Variants in ALG12 observed in about 807,000 individuals in gnomAD.
ALG12 encodes the protein dol-P-Man:Man(7)GlcNAc(2)-PP-Dol alpha-1,6-mannosyltransferase.
In ALG12, 36 loss-of-function variants were observed where a neutral mutation model predicts 46.0. The ratio of observed to expected loss-of-function variants is 0.78; its 90% CI spans 0.60 to 1.03. The LOEUF (loss-of-function observed/expected upper bound fraction) is 1.03, where lower values mean the gene tolerates loss of function less well. ALG12 is among the 50% of genes least tolerant of loss of function. The probability of loss-of-function intolerance (pLI) is 0.00; values close to 1 mark genes in which losing one functional copy is unlikely to be tolerated. For missense variants in ALG12, 599 were observed against 633.5 expected, an observed-to-expected ratio of 0.95 and a Z score of 0.58; for synonymous variants, 326 against 291.6, an observed-to-expected ratio of 1.12 and a Z score of -1.20.
the ALG12 span, among the ~76,000 whole-genome samples, chr22:49,895,011 G>A: frequency 6.6e-6 from 1 of 152,330 alleles, no homozygotes; most frequent in South Asian, 2.1e-4. Context: ...GGAGGAGGAG[G>A]GGCAGGAGCA....
At chr22:49,885,425 G>A in the ALG12 span, 11 of 1,608,490 alleles carry the variant, frequency 6.8e-6, no homozygotes, top group East Asian at 2.2e-5. Flanking sequence ...ACCATCAGCC[G>A]GGGGAAGAAG....
At chr22:49,868,317 A>AT in the ALG12 span, among the ~76,000 whole-genome samples, 1 of 152,246 alleles carries the variant, frequency 6.6e-6, no homozygotes, top group South Asian at 2.1e-4. Context: ...AATGAATAAA[A>AT]TAACTACACT....
rs1482893806 is a variant in ALG12 at position 49,905,975 on chromosome 22, A to T, written c.993-1469T>A. Among the ~76,000 whole-genome samples the T allele has an allele frequency of 6.6e-6, 1 of 152,112 alleles. No homozygotes were observed. The highest frequency in any genetic ancestry group is 1.5e-5 in the Non-Finnish European group (1 of 68,010). ...CAATCAGAAACCTTCCACCCCCAGG[A>T]CTGTCTCAAGGCCCTGGGCCCTGAC... On this transcript the variant is annotated intron_variant, in intron 7 of 9. Coordinates refer to ENST00000330817, the MANE Select transcript of ALG12 (RefSeq NM_024105.4). This position sits in a 1 kb window ranked among gnomAD's most constrained non-coding sequence, Gnocchi z 4.9.
At chr22:49,910,381 G>A (rs1347790797) in intron 4 of ALG12, 53 bp downstream of exon 4, 4 of 1,592,816 alleles carry the variant, frequency 2.5e-6, no homozygotes, top group African/African-American at 1.3e-5. Context: ...CCCGACTCAG[G>A]GGAGCCCCTG....
At chr22:49,884,124 C>T in the ALG12 span, 2 of 1,613,724 alleles carry the variant, frequency 1.2e-6, no homozygotes, top group Non-Finnish European at 1.7e-6. Flanking sequence ...ACTTGAGTAC[C>T]AGTTGTCTCA....
At position 49,913,815 on chromosome 22, in the gene ALG12, C is replaced by A. The variant is rs2060595442; in HGVS notation, c.-50G>T. 6.2e-7 allele frequency: 1 copy of A among 1,608,106 alleles called. No homozygotes were observed. Among genetic ancestry groups the A allele is most frequent in the African/African-American group, 1.3e-5 (1 of 74,956 alleles). The stretch of plus-strand genomic sequence containing the variant: ...TTCACAGGCCAACAGTGCGAGACAC[C>A]AGCCGTTAGCACTGCCACTCCACGC... On this transcript the variant is annotated 5_prime_UTR_variant, in exon 2 of 10. Transcript: ENST00000330817.
the ALG12 span, among the ~76,000 whole-genome samples, chr22:49,877,282 T>C: frequency 6.9e-6 from 1 of 145,780 alleles, no homozygotes; most frequent in Non-Finnish European, 1.5e-5. Context: ...TATTTATTTA[T>C]TTATTTATTT....
At chr22:49,866,123 G>C in the ALG12 span, among the ~76,000 whole-genome samples, 4 of 77,012 alleles carry the variant, frequency 5.2e-5, no homozygotes, top group Non-Finnish European at 9.8e-5. Context: ...TACTTTGCCT[G>C]AGAGCCCAAA....
chr22:49,907,928 C>A lies in ALG12; in HGVS notation c.785G>T (p.Trp262Leu). ...GCGGGGCAGGGCTGAGTAGAAGTAC[C>A]ACAGCAGCGGGGAGGTCTGCGGGCT... is the stretch of plus-strand genomic sequence containing the variant. ...SSNWGTSPLL[W>L]YFYSALPRGL... The change falls in exon 7 of 10, where the codon TGG (tryptophan) becomes TTG (leucine). Residue 262 changes from tryptophan to leucine, a missense_variant. Transcript: ENST00000330817. The A allele has an allele frequency of 6.2e-7, 1 of 1,612,942 alleles. No homozygotes were observed. The highest frequency in any genetic ancestry group is 8.5e-7 in the Non-Finnish European group (1 of 1,179,928).
chr22:49,878,555 C>CA, the ALG12 span, among the ~76,000 whole-genome samples: 2 of 151,974 alleles, frequency 1.3e-5, no homozygotes, highest in Non-Finnish European at 2.9e-5. Flanking sequence ...CATCCATGTG[C>CA]AAAAAAATGA....
the ALG12 span, among the ~76,000 whole-genome samples, chr22:49,868,451 C>T: frequency 2.6e-5 from 4 of 152,118 alleles, no homozygotes; most frequent in East Asian, 7.7e-4. Context: ...TGGTGGCACA[C>T]ACCTGTCATC....
downstream of ALG12, among the ~76,000 whole-genome samples, chr22:49,897,822 AT>A (rs1284746580): frequency 2.0e-5 from 3 of 150,590 alleles, no homozygotes; most frequent in East Asian, 5.9e-4. Flanking sequence ...CGCCCGGATA[AT>A]TTTTTTGTAT....
intron 6 of ALG12, among the ~76,000 whole-genome samples, chr22:49,908,207 G>A (rs906996556): frequency 2.6e-5 from 4 of 152,166 alleles, no homozygotes; most frequent in African/African-American, 4.8e-5. Context: ...CAGGACGTTC[G>A]GTCTCTGTAC....
chr22:49,890,973 C>T, the ALG12 span, among the ~76,000 whole-genome samples: 3 of 151,448 alleles, frequency 2.0e-5, no homozygotes, highest in East Asian at 5.8e-4. Flanking sequence ...GAGCTTGCAG[C>T]TAGCTGAGAT....
chr22:49,895,660 A>T (rs888285739), downstream of ALG12, among the ~76,000 whole-genome samples: 49 of 150,816 alleles, frequency 3.2e-4, no homozygotes, highest in Middle Eastern at 3.4e-3. Flanking sequence ...TCAAAAATAA[A>T]AAAAAAAAAA....
the ALG12 span, chr22:49,886,937 A>T: frequency 6.2e-7 from 1 of 1,614,074 alleles, no homozygotes; most frequent in Non-Finnish European, 8.5e-7. The surrounding 1 kb of genome is among the most constrained non-coding windows in gnomAD (Gnocchi z 7.7). Context: ...CTGGAGGAGG[A>T]GGTGCTTGAA....
At chr22:49,868,299 A>G in the ALG12 span, among the ~76,000 whole-genome samples, 2 of 152,352 alleles carry the variant, frequency 1.3e-5, no homozygotes, top group South Asian at 4.1e-4. Context: ...TGAGCTTACT[A>G]TATTTCAAAT....
chr22:49,864,820 CAAAAAAA>C, the ALG12 span, among the ~76,000 whole-genome samples: 1 of 66,992 alleles, frequency 1.5e-5, no homozygotes, highest in Non-Finnish European at 2.3e-5. Context: ...ACCCTGTCTC[CAAAAAAA>C]AAAAAAAAAA....
rs879779815 is a variant in ALG12, at chr22:49,905,713, C to G, written c.993-1207G>C. On this transcript the variant is annotated intron_variant, in intron 7 of 9. Transcript: ENST00000330817. This position sits in a 1 kb window ranked among gnomAD's most constrained non-coding sequence, Gnocchi z 4.9. ...ACGCTTCCCGTACAGCCTGCGGAACCGCGAGCCAATGAAGCCTCCTCTTTA... is the reference window on the plus strand; with the variant it reads ...ACGCTTCCCGTACAGCCTGCGGAACGGCGAGCCAATGAAGCCTCCTCTTTA... Among the ~76,000 whole-genome samples the G allele has an allele frequency of 6.6e-6, 1 of 152,250 alleles. No individual in the cohort carries two copies. The highest frequency in any genetic ancestry group is 6.5e-5 in the Admixed American group (1 of 15,280).
Sources: gnomAD v4.1 joint callset for allele counts (sites outside exome capture counted in the v4.1 genomes callset) on GRCh38, gnomAD v4.1.1 for gene constraint, Gnocchi (gnomAD v3.1) non-coding constraint, MANE v1.5 for transcripts, NCBI Gene and HGNC (gene_info 2026-07-23, HGNC 2026-07-21) for gene names.